Variants in SEC16A observed in about 807,000 individuals in gnomAD.
SEC16A encodes SEC16 homolog A, endoplasmic reticulum export factor, also known as protein transport protein Sec16A.
Under a neutral mutation model 221.9 loss-of-function variants are expected in SEC16A, and 110 were observed. That is an observed-to-expected ratio of 0.50 (90% CI 0.42 to 0.58). SEC16A has a LOEUF of 0.58. SEC16A is among the 20% of genes least tolerant of loss of function. The pLI is 0.00. For synonymous variants in SEC16A, 1,393 were observed against 1,257.7 expected, an observed-to-expected ratio of 1.11 and a Z score of -2.28; for missense variants, 3,165 against 3,097.8, an observed-to-expected ratio of 1.02 and a Z score of -0.52.
Position 136,466,596 on chromosome 9 carries a change from G to A in SEC16A, c.3930-134C>T. 1 of 813,540 alleles carries A rather than the reference G, an allele frequency of 1.2e-6. No homozygotes were observed. The highest frequency in any genetic ancestry group is 1.8e-5 in the South Asian group (1 of 54,740). The allele number at this position is 813,540 out of a possible 1,614,324, so 50.4% of individuals were successfully genotyped here. The stretch of plus-strand genomic sequence containing the variant: ...CACAACACAGCACACCCGACACTCA[G>A]GGCCCTCTGACGTGCAACGTTAGAG... On this transcript the variant is annotated intron_variant, in intron 6 of 31. Coordinates refer to ENST00000684901, the MANE Select transcript of SEC16A (RefSeq NM_014866.2). This position sits in a 1 kb window ranked among gnomAD's most constrained non-coding sequence, Gnocchi z 5.5.
rs746434732 is a variant in SEC16A, at chr9:136,468,435, G to C, written c.3782C>G (p.Ser1261Cys). The part of the protein sequence containing the change: ...SQSDYYASYY[S>C]SQYDYGDPGH... Reference sequence around the variant, plus strand: ...CATACCTCCATAATCGTACTGGCTGGAGTAATAGCTTGCATAGTAATCGCT... The same window carrying C: ...CATACCTCCATAATCGTACTGGCTGCAGTAATAGCTTGCATAGTAATCGCT... Residue 1261 changes from serine to cysteine, a missense_variant, in exon 5 of 32, where the codon TCC becomes TGC. Physicochemically the swap from Ser to Cys is moderately radical, Grantham distance 112. Around this residue, in one of 3 missense-constraint regions of SEC16A, gnomAD observed 2,030 missense variants for 1,923.1 expected, o/e 1.06. Transcript: ENST00000684901. 2.5e-6 allele frequency: 4 copies of C among 1,611,826 alleles called. No individual in the cohort carries two copies. In the East Asian group the frequency reaches 8.9e-5, roughly 36 times the overall value.
At chr9:136,446,821 G>A in intron 28 of SEC16A, 34 bp downstream of exon 28, 5 of 1,564,298 alleles carry the variant, frequency 3.2e-6, no homozygotes, top group Non-Finnish European at 4.3e-6. Flanking sequence ...CTCCTCACTG[G>A]GTACCTTTCC....
intron 22 of SEC16A, among the ~76,000 whole-genome samples, chr9:136,453,074 AAAAAAAAAAG>A (rs543501952): frequency 0.19 from 27,471 of 147,416 alleles, 2,794 homozygotes; most frequent in Non-Finnish European, 0.26. Context: ...TGTCTCAAAA[AAAAAAAAAAG>A]AAAAAAAAAA....
At chr9:136,473,011 G>A (rs934513076) in intron 3 of SEC16A, among the ~76,000 whole-genome samples, 1 of 152,250 alleles carries the variant, frequency 6.6e-6, no homozygotes, top group Non-Finnish European at 1.5e-5. Context: ...TCCTTGTATG[G>A]AAATAAAAAG....
chr9:136,448,973 G>T (rs1353617387), intron 23 of SEC16A: 2 of 632,660 alleles, frequency 3.2e-6, no homozygotes, highest in African/African-American at 3.7e-5. Flanking sequence ...GAATGTACTT[G>T]GTGCCACAGA....
intron 18 of SEC16A, among the ~76,000 whole-genome samples, chr9:136,456,436 C>G (rs944188216): frequency 6.6e-6 from 1 of 152,180 alleles, no homozygotes; most frequent in Non-Finnish European, 1.5e-5. Flanking sequence ...GAGACTACCA[C>G]CTGACCACGT....
rs980319746 is a variant in SEC16A at position 136,440,615 on chromosome 9, G to A, written c.*1140C>T. On this transcript the variant is annotated 3_prime_UTR_variant, in exon 32 of 32. Coordinates refer to ENST00000684901, the MANE Select transcript of SEC16A (RefSeq NM_014866.2). ...TCAGAACAGTCAGAGAAGCCTTAAA[G>A]CTTTGCATCAGTGAGAGGAGGCCCG... 3 of 152,588 alleles carry A rather than the reference G, an allele frequency of 2.0e-5. No individual in the cohort carries two copies. The highest frequency in any genetic ancestry group is 7.2e-5 in the African/African-American group (3 of 41,436). The allele number at this position is 152,588 out of a possible 1,614,324, so 9.5% of individuals were successfully genotyped here. A position where few individuals can be genotyped will look rare whatever the true frequency, so the allele number is the denominator to read the frequency against.
In SEC16A at chr9:136,476,114, C is replaced by T; in HGVS notation, c.1502G>A (p.Gly501Asp). ...AGGGGCTCCGGTGTGGCACACAGCA[C>T]CATGCCTGGGCACAGCTGGCCCAGG... The part of the protein sequence containing the change: ...PLPGPAVPRH[G>D]AVCHTGAPDA... Residue 501 changes from glycine (G) to aspartate (D), a missense_variant, in exon 3 of 32, where the codon GGT becomes GAT. Physicochemically the swap from Gly to Asp is moderately conservative, Grantham distance 94. Around this residue, in one of 3 missense-constraint regions of SEC16A, gnomAD observed 2,030 missense variants for 1,923.1 expected, o/e 1.06. Coordinates refer to ENST00000684901, the MANE Select transcript of SEC16A (RefSeq NM_014866.2). The T allele has an allele frequency of 6.2e-7, 1 of 1,613,698 alleles. No homozygotes were observed. The highest frequency in any genetic ancestry group is 1.1e-5 in the South Asian group (1 of 91,080).
At chr9:136,484,105 C>T (rs947314867), upstream of SEC16A, 1 of 162,412 alleles carries the variant, frequency 6.2e-6, no homozygotes, top group Non-Finnish European at 1.3e-5. Flanking sequence ...TGCGCCTTTG[C>T]TGCGCCGGGC....
chr9:136,461,422 A>T (rs1464347625), intron 12 of SEC16A, 148 bp from the exon 13 acceptor site: 1 of 655,370 alleles, frequency 1.5e-6, no homozygotes, highest in African/African-American at 1.8e-5. Context: ...TTGGAGACTA[A>T]AGACACGTAG....
Position 136,474,151 on chromosome 9 carries a change from G to C in SEC16A, c.3465C>G (p.Asp1155Glu), listed in dbSNP as rs765975879. Residue 1155 changes from aspartate to glutamate, a missense_variant, in exon 3 of 32, where the codon GAC becomes GAG. By Grantham distance (45) the Asp-to-Glu change is conservative. Transcript: ENST00000684901. ...GCCGGTAGTAGTAGTAGGCGGCCAG[G>C]TCCTGAGGCGGTGGGCCGGGGGCAA... Reference protein sequence around the residue: ...PALAPGPPPQDLAAYYYYRPL... With the variant: ...PALAPGPPPQELAAYYYYRPL... 5 of 1,613,226 alleles carry C rather than the reference G, an allele frequency of 3.1e-6. No individual in the cohort carries two copies. In the African/African-American group the frequency reaches 6.7e-5, roughly 22 times the overall value.
At chr9:136,453,204 C>T (rs543084114) in intron 22 of SEC16A, among the ~76,000 whole-genome samples, 2 of 152,232 alleles carry the variant, frequency 1.3e-5, no homozygotes, top group East Asian at 3.9e-4. Flanking sequence ...ACTGTTTTTA[C>T]ACTACTGAAT....
upstream of SEC16A, chr9:136,483,511 G>A: frequency 1.1e-6 from 1 of 933,824 alleles, no homozygotes; most frequent in Non-Finnish European, 1.2e-6. Context: ...CCGCCTCACC[G>A]CTTGGCCCCG....
intron 13 of SEC16A, 59 bp from the exon 14 acceptor site, chr9:136,460,182 G>T (rs1446932439): frequency 7.1e-7 from 1 of 1,413,992 alleles, no homozygotes; most frequent in Non-Finnish European, 9.8e-7. Context: ...AAAAAAGCCG[G>T]CCGGACATGA....
chr9:136,453,395 A>G, intron 22 of SEC16A, 33 bp downstream of exon 22: 2 of 1,555,616 alleles, frequency 1.3e-6, no homozygotes, highest in Non-Finnish European at 1.8e-6. Context: ...ACTTTATGGA[A>G]AACAAACAGT....
chr9:136,474,286 C>T lies in SEC16A; in HGVS notation c.3330G>A (p.Gln1110=). Residue 1110 remains glutamine, a synonymous_variant, in exon 3 of 32, where the codon CAG becomes CAA. Coordinates refer to ENST00000684901, the MANE Select transcript of SEC16A (RefSeq NM_014866.2). The part of the protein sequence containing the change: ...PASLVLVDAG[Q]QLPPRPPQSS... ...ACTGAGGAGGCCGAGGGGGCAGCTG[C>T]TGACCCGCGTCGACCAGAACCAGAC... The T allele has an allele frequency of 6.2e-7, 1 of 1,608,356 alleles. No individual in the cohort carries two copies. Among genetic ancestry groups the T allele is most frequent in the East Asian group, 2.2e-5 (1 of 44,712 alleles).
At chr9:136,484,198 C>T, upstream of SEC16A, 1 of 277,036 alleles carries the variant, frequency 3.6e-6, no homozygotes, top group Non-Finnish European at 5.7e-6. Context: ...GGCCGCCAGC[C>T]CCACAGGGGC....
rs753798654 is a variant in SEC16A at position 136,445,702 on chromosome 9, C to A, written c.6810G>T (p.Ala2270=). Residue 2270 remains alanine (A), a synonymous_variant, in exon 29 of 32, where the codon GCG becomes GCT. Transcript: ENST00000684901. ...AGGGGAGTTCAGAGCCAGGGAGTGA[C>A]GCTGCAGAGCTTAAAACCTGCCGAG... ...APEPKVLSSA[A]SLPGSELPSS... 1.9e-6 allele frequency: 3 copies of A among 1,551,704 alleles called. No individual in the cohort carries two copies. In the African/African-American group the frequency reaches 4.1e-5, roughly 21 times the overall value.
chr9:136,470,947 G>A (rs760974431), intron 4 of SEC16A, among the ~76,000 whole-genome samples: 12 of 152,148 alleles, frequency 7.9e-5, no homozygotes, highest in Admixed American at 6.5e-5. Flanking sequence ...GCAGCCTAGC[G>A]CGGTGGCCAG....
Sources: gnomAD v4.1 joint callset for allele counts (sites outside exome capture counted in the v4.1 genomes callset) on GRCh38, gnomAD v4.1.1 for gene constraint, gnomAD v4.1.1 regional missense constraint, Gnocchi (gnomAD v3.1) non-coding constraint, MANE v1.5 for transcripts, NCBI Gene and HGNC (gene_info 2026-07-23, HGNC 2026-07-21) for gene names.